SNX29: variants seen among roughly 807,000 people sequenced by gnomAD.
SNX29 encodes the protein sorting nexin-29.
A neutral mutation model predicts 102.1 loss-of-function variants in SNX29; 78 were observed. The observed-to-expected ratio is 0.76, with a 90% CI of 0.64 to 0.92. The LOEUF (loss-of-function observed/expected upper bound fraction) is 0.92, where lower values mean the gene tolerates loss of function less well. Ranked by LOEUF, SNX29 falls within the 40% of genes least tolerant of loss-of-function variation. SNX29 has a pLI of 0.00. For missense variants in SNX29, 1,280 were observed against 1,061.7 expected, an observed-to-expected ratio of 1.21 and a Z score of -2.86; for synonymous variants, 580 against 414.5, an observed-to-expected ratio of 1.40 and a Z score of -4.85.
chr16:12,114,540 T>C (rs996970131), intron 11 of SNX29, among the ~76,000 whole-genome samples: 9 of 152,060 alleles, frequency 5.9e-5, no homozygotes, highest in African/African-American at 1.7e-4. Context: ...AGATGGCCCG[T>C]GTTTCAGTCC....
intron 13 of SNX29, among the ~76,000 whole-genome samples, chr16:12,162,657 C>T (rs911191290): frequency 1.3e-5 from 2 of 152,152 alleles, no homozygotes; most frequent in African/African-American, 4.8e-5. Context: ...GTCCTGTGGG[C>T]CATAGTTGAT....
intron 3 of SNX29, among the ~76,000 whole-genome samples, chr16:12,010,284 G>C (rs995926399): frequency 1.3e-5 from 2 of 152,168 alleles, no homozygotes; most frequent in African/African-American, 4.8e-5. Context: ...TTTGCCATAT[G>C]GGTGGCAGTG....
chr16:12,361,971 G>A (rs1370958445), intron 16 of SNX29, among the ~76,000 whole-genome samples: 2 of 151,988 alleles, frequency 1.3e-5, no homozygotes, highest in African/African-American at 2.4e-5. Flanking sequence ...TGTTAATAAC[G>A]AGCACATGCC....
At chr16:12,282,284 G>C (rs1177708676) in intron 15 of SNX29, among the ~76,000 whole-genome samples, 1 of 152,230 alleles carries the variant, frequency 6.6e-6, no homozygotes, top group South Asian at 2.1e-4. Context: ...ACTAGTAGTA[G>C]ATAACAGCAA....
chr16:12,525,615 C>T (rs1450088125), intron 20 of SNX29, among the ~76,000 whole-genome samples: 1 of 151,948 alleles, frequency 6.6e-6, no homozygotes, highest in African/African-American at 2.4e-5. Context: ...TCACTTGAAC[C>T]CAGGAGGCAG....
chr16:12,412,357 G>A (rs1036658979), intron 18 of SNX29, among the ~76,000 whole-genome samples: 4 of 152,190 alleles, frequency 2.6e-5, no homozygotes, highest in African/African-American at 9.7e-5. Context: ...CCACCAAGGC[G>A]TGTGCTTCAC....
At chr16:12,092,640 G>T (rs866482234) in intron 11 of SNX29, among the ~76,000 whole-genome samples, 2 of 152,190 alleles carry the variant, frequency 1.3e-5, no homozygotes, top group Admixed American at 6.5e-5. Context: ...CCTCAGTTTC[G>T]CAAGCTATGA....
chr16:12,540,851 T>A (rs949587244), intron 20 of SNX29, among the ~76,000 whole-genome samples: 1 of 152,150 alleles, frequency 6.6e-6, no homozygotes, highest in South Asian at 2.1e-4. Flanking sequence ...CTCCACCCTT[T>A]CTGAGCAGGA....
chr16:12,524,324 G>C (rs2090213319), intron 19 of SNX29, among the ~76,000 whole-genome samples: 1 of 151,904 alleles, frequency 6.6e-6, no homozygotes. Flanking sequence ...TGTGGTCACT[G>C]GATTGATTTG....
At chr16:12,040,681 T>C (rs1245880563) in intron 4 of SNX29, among the ~76,000 whole-genome samples, 3 of 152,240 alleles carry the variant, frequency 2.0e-5, no homozygotes, top group Non-Finnish European at 4.4e-5. Flanking sequence ...GAAATAGTTA[T>C]GTTTTACTGG....
intron 18 of SNX29, among the ~76,000 whole-genome samples, chr16:12,442,589 GT>G (rs1330837514): frequency 1.2e-3 from 167 of 142,226 alleles, no homozygotes; most frequent in Middle Eastern, 3.7e-3. Flanking sequence ...GTGTTTTTTT[GT>G]TTTTTTTTTT....
At position 12,570,820 on chromosome 16, in the gene SNX29, A is replaced by G. The variant is rs2079172084; in HGVS notation, c.*2191A>G. 3 of 232,422 alleles carry G rather than the reference A, an allele frequency of 1.3e-5. No homozygotes were observed. The highest frequency in any genetic ancestry group is 6.1e-5 in the East Asian group (1 of 16,440). 14.4% of individuals were successfully genotyped at this position (232,422 alleles called of 1,614,324 possible). ...GCTGAGAGATACTAACCCGTGAGAA[A>G]CAAGTATGCTCTCAGCTGGTATTGA... On this transcript the variant is annotated 3_prime_UTR_variant, in exon 21 of 21. Transcript: ENST00000566228.
At chr16:12,084,387 G>A (rs1233672168) in intron 11 of SNX29, among the ~76,000 whole-genome samples, 1 of 152,082 alleles carries the variant, frequency 6.6e-6, no homozygotes, top group Non-Finnish European at 1.5e-5. Context: ...CTTGTGATCC[G>A]CCCACCTCGG....
At position 12,512,427 on chromosome 16, in the gene SNX29, T is replaced by G. The variant is rs2089673287; in HGVS notation, c.2179-12275T>G. On this transcript the variant is annotated intron_variant, in intron 19 of 20. Coordinates refer to ENST00000566228, the MANE Select transcript of SNX29 (RefSeq NM_032167.5). The stretch of plus-strand genomic sequence containing the variant: ...ATATATATATATATATAGTTTTCGG[T>G]TTTTGAGACAGGGTCTCCCTCTGTT... 4.7e-5 allele frequency among the ~76,000 whole-genome samples: 6 copies of G among 127,516 alleles called. No homozygotes were observed. The Admixed American group carries it at 4.8e-4, about 10-fold the overall frequency. The allele number at this position is 127,516 out of a possible 152,430, so 83.7% of individuals were successfully genotyped here.
At chr16:12,163,889 C>G (rs1421043701) in intron 13 of SNX29, among the ~76,000 whole-genome samples, 2 of 151,830 alleles carry the variant, frequency 1.3e-5, no homozygotes, top group Non-Finnish European at 2.9e-5. Context: ...AGGGTGTGTC[C>G]AGATTTGGAC....
chr16:12,318,453 C>T (rs1238661354), intron 15 of SNX29, among the ~76,000 whole-genome samples: 2 of 152,176 alleles, frequency 1.3e-5, no homozygotes, highest in Admixed American at 6.5e-5. Context: ...TGGATACAAA[C>T]TCAGCATGGA....
intron 15 of SNX29, among the ~76,000 whole-genome samples, chr16:12,315,768 A>G (rs1398827798): frequency 6.6e-6 from 1 of 152,194 alleles, no homozygotes; most frequent in Non-Finnish European, 1.5e-5. Context: ...ACAGACTAAT[A>G]CAGTTCCAAT....
At chr16:12,495,821 AG>A (rs1187906775) in intron 19 of SNX29, among the ~76,000 whole-genome samples, 6 of 152,172 alleles carry the variant, frequency 3.9e-5, no homozygotes, top group African/African-American at 7.2e-5. Context: ...TGGGAGACCA[AG>A]GCAGGTGGAT....
At chr16:12,433,155 G>A (rs534775367) in intron 18 of SNX29, among the ~76,000 whole-genome samples, 39 of 152,330 alleles carry the variant, frequency 2.6e-4, no homozygotes, top group Non-Finnish European at 5.3e-4. Context: ...CTCCCACCAC[G>A]AGTCATTACA....
Sources: allele counts gnomAD v4.1 joint callset (sites outside exome capture counted in the v4.1 genomes callset), GRCh38; gene constraint gnomAD v4.1.1; transcripts MANE v1.5; gene names NCBI Gene and HGNC (gene_info 2026-07-23, HGNC 2026-07-21).